The following LIMA1 variants were observed in gnomAD, a reference collection of about 807,000 sequenced individuals.
LIMA1 encodes the protein LIM domain and actin binding 1, also known as LIM domain and actin-binding protein 1.
In LIMA1, 52 loss-of-function variants were observed where a neutral mutation model predicts 62.6. That is an observed-to-expected ratio of 0.83 (90% CI 0.67 to 1.05). The LOEUF (loss-of-function observed/expected upper bound fraction) is 1.05. Ranked by LOEUF, LIMA1 falls within the 50% of genes least tolerant of loss-of-function variation. The pLI is 0.00. For missense variants in LIMA1, 780 were observed against 902.2 expected (o/e 0.86, Z 1.74); for synonymous variants, 302 against 317.8 (o/e 0.95, Z 0.53).
At chr12:50,183,809 T>TAAAAAA (rs1565827717) in intron 9 of LIMA1, among the ~76,000 whole-genome samples, 1 of 12,910 alleles carries the variant, frequency 7.7e-5, no homozygotes, top group African/African-American at 4.7e-4. Context: ...AGACTTGGTC[T>TAAAAAA]CAAAAAAAAA....
At chr12:50,233,156 A>G (rs946602166) in intron 2 of LIMA1, among the ~76,000 whole-genome samples, 17 of 152,184 alleles carry the variant, frequency 1.1e-4, no homozygotes, top group African/African-American at 4.1e-4. Flanking sequence ...ATGCTGAAAC[A>G]ATTGGATAGA....
At chr12:50,196,522 A>T (rs1940933992) in intron 7 of LIMA1, among the ~76,000 whole-genome samples, 2 of 152,204 alleles carry the variant, frequency 1.3e-5, no homozygotes. Context: ...TTTTCTCAAA[A>T]GCCATCAAAT....
intron 9 of LIMA1, among the ~76,000 whole-genome samples, chr12:50,183,280 G>A (rs1433762280): frequency 6.6e-6 from 1 of 152,112 alleles, no homozygotes. Context: ...CTAGGTGTAT[G>A]GGAGTTAACC....
chr12:50,257,175 C>A (rs1455264360), intron 1 of LIMA1, among the ~76,000 whole-genome samples: 1 of 152,146 alleles, frequency 6.6e-6, no homozygotes, highest in Non-Finnish European at 1.5e-5. Flanking sequence ...TTACTGTCAT[C>A]CTTTCTACAT....
chr12:50,244,184 C>T (rs1308621109), intron 2 of LIMA1, among the ~76,000 whole-genome samples: 5 of 152,102 alleles, frequency 3.3e-5, no homozygotes, highest in African/African-American at 7.2e-5. Context: ...CTGCAACCTC[C>T]GCCCCCCAGG....
intron 7 of LIMA1, among the ~76,000 whole-genome samples, chr12:50,199,870 T>C (rs897670906): frequency 6.6e-6 from 1 of 152,140 alleles, no homozygotes; most frequent in Non-Finnish European, 1.5e-5. Flanking sequence ...GGAATCAAGT[T>C]GCCCTGAATC....
At chr12:50,178,964 A>ATTTTTTTTTTTTT (rs555323460) in intron 10 of LIMA1, among the ~76,000 whole-genome samples, 3 of 92,202 alleles carry the variant, frequency 3.3e-5, no homozygotes, top group African/African-American at 7.1e-5. Flanking sequence ...ATATATATAT[A>ATTTTTTTTTTTTT]TATTTTTTTT....
intron 1 of LIMA1, among the ~76,000 whole-genome samples, chr12:50,282,523 T>G (rs1942352230): frequency 6.6e-6 from 1 of 152,202 alleles, no homozygotes; most frequent in Admixed American, 6.5e-5. Context: ...TCTTTTATTT[T>G]TATTTATTTA....
chr12:50,209,925 A>G (rs965115854), intron 4 of LIMA1, among the ~76,000 whole-genome samples: 1 of 152,130 alleles, frequency 6.6e-6, no homozygotes, highest in Non-Finnish European at 1.5e-5. Context: ...GGCCTCCCAA[A>G]GTGCTGGGAT....
At chr12:50,259,710 A>G (rs984048539) in intron 1 of LIMA1, among the ~76,000 whole-genome samples, 2 of 152,216 alleles carry the variant, frequency 1.3e-5, no homozygotes, top group Admixed American at 1.3e-4. Context: ...TAGAATAATC[A>G]CTGCTACTGT....
At chr12:50,226,039 ATTTAT>A (rs1387585581) in intron 3 of LIMA1, among the ~76,000 whole-genome samples, 1 of 151,794 alleles carries the variant, frequency 6.6e-6, no homozygotes, top group East Asian at 1.9e-4. Context: ...TATCTATTTT[ATTTAT>A]TTATTTACTT....
chr12:50,229,908 T>G (rs1048619612), intron 3 of LIMA1: 1 of 152,680 alleles, frequency 6.5e-6, no homozygotes, highest in Non-Finnish European at 1.5e-5. Context: ...CCCTGGCTCA[T>G]GTCTTCAAAT....
intron 9 of LIMA1, 145 bp downstream of exon 9, chr12:50,192,307 G>T: frequency 1.6e-6 from 1 of 629,890 alleles, no homozygotes; most frequent in South Asian, 2.0e-5. Context: ...CAGGGAAAGC[G>T]ACTGGCTTCA....
At chr12:50,240,083 C>T (rs1195478643) in intron 2 of LIMA1, among the ~76,000 whole-genome samples, 7 of 143,944 alleles carry the variant, frequency 4.9e-5, no homozygotes, top group Admixed American at 3.4e-4. Flanking sequence ...TTAAAAGGAG[C>T]GCCTCACTGA....
intron 1 of LIMA1, among the ~76,000 whole-genome samples, chr12:50,273,269 T>C (rs1183349643): frequency 1.3e-5 from 2 of 152,050 alleles, no homozygotes; most frequent in Non-Finnish European, 2.9e-5. Context: ...TATAAACATA[T>C]TAATGTTACT....
In LIMA1 at chr12:50,205,980, TTACCTGGGCC is replaced by T; in HGVS notation, c.709_715+3del. The T allele has an allele frequency of 6.2e-7, 1 of 1,608,636 alleles. No individual in the cohort carries two copies. The highest frequency in any genetic ancestry group is 8.5e-7 in the Non-Finnish European group (1 of 1,175,996). On this transcript the variant is annotated splice_donor_variant and splice_donor_region_variant and coding_sequence_variant and intron_variant, in exon 5 of 11. Transcript: ENST00000341247. LOFTEE classifies it high-confidence loss of function. ...ACCTCATACACATGGAACTCTCTGC[TTACCTGGGCC>T]TATTTCCAGGTCATCTAGAGAATAG...
chr12:50,186,262 CAGTT>C (rs898159321), intron 9 of LIMA1: 1 of 152,142 alleles, frequency 6.6e-6, no homozygotes. Context: ...TATATTTTTT[CAGTT>C]AGTAAGAGAT....
At chr12:50,210,418 C>CAAAAAAAAAAAAAAAAAAA (rs769288381) in intron 4 of LIMA1, among the ~76,000 whole-genome samples, 2 of 90,846 alleles carry the variant, frequency 2.2e-5, no homozygotes, top group Admixed American at 1.4e-4. Context: ...ACCCCATTTC[C>CAAAAAAAAAAAAAAAAAAA]AAAAAAAAAA....
At chr12:50,223,812 T>G (rs1032852118) in intron 3 of LIMA1, among the ~76,000 whole-genome samples, 2 of 151,830 alleles carry the variant, frequency 1.3e-5, no homozygotes, top group African/African-American at 4.8e-5. Context: ...CCGAGGCGGG[T>G]GGATCACCTG....
Sources: allele counts gnomAD v4.1 joint callset (sites outside exome capture counted in the v4.1 genomes callset), GRCh38; gene constraint gnomAD v4.1.1; transcripts MANE v1.5; gene names NCBI Gene and HGNC (gene_info 2026-07-23, HGNC 2026-07-21).